The following PRPSAP2 variants were observed in gnomAD, a reference collection of about 807,000 sequenced individuals.
The protein encoded by PRPSAP2 is phosphoribosyl pyrophosphate synthase-associated protein 2.
PRPSAP2 carries 24 observed loss-of-function variants against 40.6 expected under a neutral mutation model. The ratio of observed to expected loss-of-function variants is 0.59; its 90% CI spans 0.43 to 0.83. The LOEUF is 0.83. PRPSAP2 is among the 40% of genes least tolerant of loss of function. PRPSAP2 has a pLI of 0.00. For synonymous variants in PRPSAP2, 149 were observed against 164.7 expected (o/e 0.90, Z 0.73); for missense variants, 292 against 465.6 (o/e 0.63, Z 3.43).
intron 1 of PRPSAP2, among the ~76,000 whole-genome samples, chr17:18,862,416 CT>C (rs1232880724): frequency 2.0e-5 from 3 of 151,802 alleles, no homozygotes; most frequent in East Asian, 3.9e-4. Context: ...TCCTGCTGTA[CT>C]TTAAGGAGCT....
chr17:18,923,328 G>A (rs1457298783), intron 9 of PRPSAP2, among the ~76,000 whole-genome samples: 3 of 141,602 alleles, frequency 2.1e-5, no homozygotes, highest in African/African-American at 8.0e-5. Flanking sequence ...GGAAGGTCCC[G>A]ATCTCCTGAC....
At chr17:18,920,155 G>A (rs1473204304) in intron 9 of PRPSAP2, among the ~76,000 whole-genome samples, 2 of 152,156 alleles carry the variant, frequency 1.3e-5, no homozygotes, top group East Asian at 1.9e-4. Context: ...AGCCATGCCC[G>A]GGAGCATGGA....
chr17:18,881,006 G>GT (rs2038687673), intron 6 of PRPSAP2, among the ~76,000 whole-genome samples: 1 of 151,398 alleles, frequency 6.6e-6, no homozygotes, highest in Non-Finnish European at 1.5e-5. Context: ...GCTAATTTTT[G>GT]TATTTTTAGT....
Position 18,930,759 on chromosome 17 carries a change from G to A in PRPSAP2, c.*61G>A. 1 of 1,438,796 alleles carries A rather than the reference G, an allele frequency of 7.0e-7. No homozygotes were observed. The highest frequency in any genetic ancestry group is 9.5e-7 in the Non-Finnish European group (1 of 1,055,736). The allele number at this position is 1,438,796 out of a possible 1,614,324, so 89.1% of individuals were successfully genotyped here. A position where few individuals can be genotyped will look rare whatever the true frequency, so the allele number is the denominator to read the frequency against. On this transcript the variant is annotated 3_prime_UTR_variant, in exon 12 of 12. Coordinates refer to ENST00000268835, the MANE Select transcript of PRPSAP2 (RefSeq NM_002767.4). ...GAAACATAAGAGTGACTGCTCGGTGGGATGGATTTCACAGGAACCGTCATG... is the reference window on the plus strand; with the variant it reads ...GAAACATAAGAGTGACTGCTCGGTGAGATGGATTTCACAGGAACCGTCATG...
chr17:18,900,806 T>A (rs1215890461), intron 8 of PRPSAP2, among the ~76,000 whole-genome samples: 1 of 152,162 alleles, frequency 6.6e-6, no homozygotes, highest in Non-Finnish European at 1.5e-5. Flanking sequence ...AGCATCATTC[T>A]CATTGGGTGG....
At chr17:18,886,646 C>T (rs1235020849) in intron 7 of PRPSAP2, among the ~76,000 whole-genome samples, 1 of 152,072 alleles carries the variant, frequency 6.6e-6, no homozygotes, top group Non-Finnish European at 1.5e-5. Context: ...GTGTGAGCCA[C>T]CGCGCCCAGC....
chr17:18,881,133 C>T (rs939236464), intron 6 of PRPSAP2, among the ~76,000 whole-genome samples: 2 of 151,020 alleles, frequency 1.3e-5, no homozygotes, highest in African/African-American at 4.9e-5. Flanking sequence ...CGCACCTGAC[C>T]AAGACTTTAA....
chr17:18,910,025 G>A (rs2040861551), intron 8 of PRPSAP2, among the ~76,000 whole-genome samples: 1 of 152,184 alleles, frequency 6.6e-6, no homozygotes, highest in African/African-American at 2.4e-5. Flanking sequence ...TGGATACACT[G>A]TGATATATTC....
At chr17:18,917,948 T>C (rs2041464156) in intron 9 of PRPSAP2, among the ~76,000 whole-genome samples, 1 of 152,114 alleles carries the variant, frequency 6.6e-6, no homozygotes, top group South Asian at 2.1e-4. Context: ...GCTCTGCTTT[T>C]CAGCATATAA....
chr17:18,877,902 G>A, intron 6 of PRPSAP2, 32 bp downstream of exon 6: 11 of 1,552,304 alleles, frequency 7.1e-6, no homozygotes, highest in Non-Finnish European at 9.6e-6. Context: ...CAATTAATTG[G>A]GGGCCTGGGA....
intron 6 of PRPSAP2, among the ~76,000 whole-genome samples, chr17:18,880,078 A>G (rs1011134802): frequency 6.6e-6 from 1 of 152,086 alleles, no homozygotes; most frequent in African/African-American, 2.4e-5. Context: ...CCTGGGCAAC[A>G]AGAGCAAAAC....
In PRPSAP2 at chr17:18,887,531, C is replaced by T. The variant is rs191119163; in HGVS notation, c.529-2291C>T. On this transcript the variant is annotated intron_variant, in intron 7 of 11. Coordinates refer to ENST00000268835, the MANE Select transcript of PRPSAP2 (RefSeq NM_002767.4). Reference sequence around the variant, plus strand: ...GGCATGAGCCACCGTGCCTGGCCATCTTTGGGAATTTTTTTTAATCTGTTA... The same window carrying T: ...GGCATGAGCCACCGTGCCTGGCCATTTTTGGGAATTTTTTTTAATCTGTTA... Among the ~76,000 whole-genome samples the T allele has an allele frequency of 3.3e-5, 5 of 152,264 alleles. No individual in the cohort carries two copies. The East Asian group carries it at 7.7e-4, about 23-fold the overall frequency.
intron 8 of PRPSAP2, among the ~76,000 whole-genome samples, chr17:18,897,427 TTCTAGAGTGGTGCTTC>T: frequency 6.7e-6 from 1 of 148,868 alleles, no homozygotes; most frequent in East Asian, 1.9e-4. Context: ...TATTCTGCCA[TTCTAGAGTGGTGCTTC>T]TCTATAGTGG....
At chr17:18,914,931 G>T (rs986385354) in intron 9 of PRPSAP2, among the ~76,000 whole-genome samples, 1 of 151,474 alleles carries the variant, frequency 6.6e-6, no homozygotes, top group African/African-American at 2.4e-5. Context: ...CACCATGTTG[G>T]CCAGGTTGGT....
At chr17:18,884,817 C>T (rs1374967769) in intron 7 of PRPSAP2, among the ~76,000 whole-genome samples, 1 of 152,176 alleles carries the variant, frequency 6.6e-6, no homozygotes, top group Non-Finnish European at 1.5e-5. Context: ...AGAAATAGAG[C>T]AGTCGCTATA....
chr17:18,926,409 G>A (rs560045545), intron 10 of PRPSAP2, among the ~76,000 whole-genome samples: 10 of 151,898 alleles, frequency 6.6e-5, no homozygotes, highest in Non-Finnish European at 7.4e-5. Context: ...TGGGACTACA[G>A]GTGCACGCCA....
chr17:18,877,939 T>A, intron 6 of PRPSAP2, 69 bp downstream of exon 6: 1 of 1,464,254 alleles, frequency 6.8e-7, no homozygotes, highest in South Asian at 1.3e-5. Context: ...CTCTCTTTTT[T>A]AAGACAGGGT....
chr17:18,885,513 T>G (rs1051120375), intron 7 of PRPSAP2, among the ~76,000 whole-genome samples: 1 of 151,730 alleles, frequency 6.6e-6, no homozygotes, highest in African/African-American at 2.4e-5. Flanking sequence ...TCTCTGTCAC[T>G]CAGGCTGGAG....
intron 4 of PRPSAP2, 108 bp downstream of exon 4, chr17:18,867,442 C>G (rs757582465): frequency 7.4e-5 from 99 of 1,340,530 alleles, no homozygotes; most frequent in Non-Finnish European, 9.8e-5. Flanking sequence ...TTGTACATTT[C>G]CATTAGCAAG....
Sources: allele counts gnomAD v4.1 joint callset (sites outside exome capture counted in the v4.1 genomes callset), GRCh38; gene constraint gnomAD v4.1.1; transcripts MANE v1.5; gene names NCBI Gene and HGNC (gene_info 2026-07-23, HGNC 2026-07-21).